Variants in AUTS2 observed in about 807,000 individuals in gnomAD.
The protein encoded by AUTS2 is activator of transcription and developmental regulator AUTS2.
Under a neutral mutation model 112.4 loss-of-function variants are expected in AUTS2, and 17 were observed. The ratio of observed to expected loss-of-function variants is 0.15; its 90% CI spans 0.10 to 0.23. The LOEUF (loss-of-function observed/expected upper bound fraction) is 0.23. Ranked by LOEUF, AUTS2 falls within the 10% of genes least tolerant of loss-of-function variation. AUTS2 has a pLI of 1.00. For synonymous variants in AUTS2, 751 were observed against 702.7 expected (o/e 1.07, Z -1.09); for missense variants, 1,510 against 1,701.6 (o/e 0.89, Z 1.98).
chr7:70,634,929 G>A (rs985402662), intron 5 of AUTS2, among the ~76,000 whole-genome samples: 1 of 152,150 alleles, frequency 6.6e-6, no homozygotes, highest in Non-Finnish European at 1.5e-5. Flanking sequence ...TAGCAGACAT[G>A]GTCCTTGGTT....
intron 5 of AUTS2, among the ~76,000 whole-genome samples, chr7:70,453,885 G>C (rs1796628738): frequency 1.3e-5 from 2 of 152,182 alleles, no homozygotes; most frequent in Non-Finnish European, 2.9e-5. Flanking sequence ...GGTAACATTT[G>C]CGGGCCTTAC....
intron 4 of AUTS2, among the ~76,000 whole-genome samples, chr7:70,349,089 A>G (rs746129402): frequency 6.6e-6 from 1 of 152,226 alleles, no homozygotes; most frequent in Non-Finnish European, 1.5e-5. Context: ...CACTACTACT[A>G]CTATCATGAC....
At chr7:70,526,975 C>CAATT (rs1799867112) in intron 5 of AUTS2, among the ~76,000 whole-genome samples, 1 of 152,214 alleles carries the variant, frequency 6.6e-6, no homozygotes, top group Non-Finnish European at 1.5e-5. Flanking sequence ...CCTAAGACAT[C>CAATT]AATTCCATGT....
At chr7:70,277,969 TG>T (rs1788016681) in intron 4 of AUTS2, among the ~76,000 whole-genome samples, 2 of 151,850 alleles carry the variant, frequency 1.3e-5, no homozygotes, top group Admixed American at 6.6e-5. Context: ...TGTGTGTGTG[TG>T]TGTGTGTGTG....
intron 5 of AUTS2, among the ~76,000 whole-genome samples, chr7:70,447,712 G>A (rs1227919624): frequency 1.3e-5 from 2 of 152,168 alleles, no homozygotes; most frequent in Non-Finnish European, 2.9e-5. Flanking sequence ...ACTGTAATAC[G>A]TTGGAATACA....
In AUTS2 at chr7:69,599,200, G is replaced by A. The variant is rs1792225443; in HGVS notation, c.-454G>A. ...GTTGAGGGGGGCGCGGGCGTTTTCG[G>A]GGGGCGGGGGGCGCGGCGGAGAATG... On this transcript the variant is annotated 5_prime_UTR_variant, in exon 1 of 19. Coordinates refer to ENST00000342771, the MANE Select transcript of AUTS2 (RefSeq NM_015570.4). This position sits in a 1 kb window ranked among gnomAD's most constrained non-coding sequence, Gnocchi z 7.0. 2 of 153,128 alleles carry A rather than the reference G, an allele frequency of 1.3e-5. No homozygotes were observed. The highest frequency in any genetic ancestry group is 1.3e-4 in the Admixed American group (2 of 15,284). The allele number at this position is 153,128 out of a possible 1,614,324, so 9.5% of individuals were successfully genotyped here.
At chr7:70,735,398 G>C (rs1047291836) in intron 6 of AUTS2, among the ~76,000 whole-genome samples, 1 of 152,186 alleles carries the variant, frequency 6.6e-6, no homozygotes, top group African/African-American at 2.4e-5. Context: ...TCAGGAGCAC[G>C]TCCAGAGGAG....
At chr7:70,602,478 GCTCCAGGT>G (rs1238175690) in intron 5 of AUTS2, among the ~76,000 whole-genome samples, 2 of 152,302 alleles carry the variant, frequency 1.3e-5, no homozygotes, top group African/African-American at 4.8e-5. Flanking sequence ...CTCCCAGGAG[GCTCCAGGT>G]CTCCGGATGC....
chr7:69,742,593 G>A (rs1036009715), intron 1 of AUTS2, among the ~76,000 whole-genome samples: 1 of 152,116 alleles, frequency 6.6e-6, no homozygotes, highest in Non-Finnish European at 1.5e-5. Flanking sequence ...TGGGGTGGGA[G>A]TACATTTAAG....
chr7:69,709,195 G>A (rs1457892528), intron 1 of AUTS2, among the ~76,000 whole-genome samples: 1 of 152,224 alleles, frequency 6.6e-6, no homozygotes, highest in African/African-American at 2.4e-5. Context: ...GAGAGGTTTA[G>A]AAAACTCCTT....
chr7:70,023,780 T>A (rs1800391788), intron 2 of AUTS2, among the ~76,000 whole-genome samples: 1 of 152,184 alleles, frequency 6.6e-6, no homozygotes, highest in Non-Finnish European at 1.5e-5. Context: ...CATCTGGGTG[T>A]CCATTCTGCT....
chr7:70,655,218 T>C (rs1449349808), intron 5 of AUTS2, among the ~76,000 whole-genome samples: 2 of 152,212 alleles, frequency 1.3e-5, no homozygotes, highest in Admixed American at 1.3e-4. Flanking sequence ...CCAAGAACCA[T>C]GACAGGCCCC....
intron 4 of AUTS2, 94 bp from the exon 5 acceptor site, chr7:70,435,658 A>C (rs946292054): frequency 3.2e-6 from 4 of 1,247,504 alleles, no homozygotes; most frequent in Middle Eastern, 1.9e-4. Flanking sequence ...CTTATCTTGC[A>C]CTTTTTTTGT....
intron 4 of AUTS2, among the ~76,000 whole-genome samples, chr7:70,329,067 A>G (rs1013807553): frequency 1.3e-5 from 2 of 152,126 alleles, no homozygotes; most frequent in African/African-American, 4.8e-5. Flanking sequence ...TTCACTTAGC[A>G]TAATGTTTTG....
chr7:69,899,499 G>A lies in AUTS2; in HGVS notation c.522+1G>A. On this transcript the variant is annotated splice_donor_variant, in intron 2 of 18. Transcript: ENST00000342771. LOFTEE classifies it high-confidence loss of function. Reference sequence around the variant, plus strand: ...GAAAATGCCGAAGGCACTCAGACAGGTGAGGAAGCTTGGGTTCGCTCTTTC... The same window carrying A: ...GAAAATGCCGAAGGCACTCAGACAGATGAGGAAGCTTGGGTTCGCTCTTTC... The A allele has an allele frequency of 6.2e-7, 1 of 1,613,938 alleles. No individual in the cohort carries two copies. Among genetic ancestry groups the A allele is most frequent in the Non-Finnish European group, 8.5e-7 (1 of 1,179,838 alleles).
At chr7:70,496,202 C>A in intron 5 of AUTS2, among the ~76,000 whole-genome samples, 1 of 127,408 alleles carries the variant, frequency 7.8e-6, no homozygotes, top group Non-Finnish European at 1.6e-5. Context: ...ATGCACACGT[C>A]ACATCAGCAT....
At chr7:70,494,600 C>G (rs1317593706) in intron 5 of AUTS2, among the ~76,000 whole-genome samples, 1 of 151,494 alleles carries the variant, frequency 6.6e-6, no homozygotes, top group East Asian at 2.0e-4. Context: ...CAGATCCCTT[C>G]AGTTCCCACT....
At chr7:70,513,666 C>CT (rs35815016) in intron 5 of AUTS2, among the ~76,000 whole-genome samples, 11,797 of 140,310 alleles carry the variant, frequency 0.084, 694 homozygotes, top group South Asian at 0.13. Context: ...TTTCTGTTTC[C>CT]TTTTTTTTTT....
chr7:70,331,289 G>A (rs1038508998), intron 4 of AUTS2, among the ~76,000 whole-genome samples: 2 of 152,110 alleles, frequency 1.3e-5, no homozygotes, highest in African/African-American at 2.4e-5. Flanking sequence ...GGGTGTATGT[G>A]TCCAGAATTT....
Sources: gnomAD v4.1 joint callset for allele counts (sites outside exome capture counted in the v4.1 genomes callset) on GRCh38, gnomAD v4.1.1 for gene constraint, Gnocchi (gnomAD v3.1) non-coding constraint, MANE v1.5 for transcripts, NCBI Gene and HGNC (gene_info 2026-07-23, HGNC 2026-07-21) for gene names.